The following TSNAX variants were observed in gnomAD, a reference collection of about 807,000 sequenced individuals.
TSNAX encodes translin-associated protein X.
In TSNAX, 12 loss-of-function variants were observed where a neutral mutation model predicts 33.0. The ratio of observed to expected loss-of-function variants is 0.36; its 90% CI spans 0.23 to 0.59. The LOEUF is 0.59. Ranked by LOEUF, TSNAX falls within the 20% of genes least tolerant of loss-of-function variation. TSNAX has a pLI of 0.74. For missense variants in TSNAX, 267 were observed against 341.3 expected (o/e 0.78, Z 1.72); for synonymous variants, 110 against 117.2 (o/e 0.94, Z 0.40).
chr1:231,555,828 T>C (rs189258402), intron 4 of TSNAX, among the ~76,000 whole-genome samples: 45 of 152,264 alleles, frequency 3.0e-4, no homozygotes, highest in African/African-American at 9.4e-4. Flanking sequence ...TAATTAAGGA[T>C]TTTGTCCCAG....
At chr1:231,553,577 AACATCCTCTTACCT>A (rs1047265309) in intron 4 of TSNAX, among the ~76,000 whole-genome samples, 2 of 152,214 alleles carry the variant, frequency 1.3e-5, no homozygotes, top group African/African-American at 4.8e-5. Flanking sequence ...AACTTGTTTA[AACATCCTCTTACCT>A]ACATGTGACC....
intron 5 of TSNAX, among the ~76,000 whole-genome samples, chr1:231,563,890 A>G (rs905115243): frequency 2.6e-5 from 4 of 152,162 alleles, no homozygotes; most frequent in Non-Finnish European, 5.9e-5. Flanking sequence ...TTGTAGCGGT[A>G]CAGACTCTGC....
intron 4 of TSNAX, among the ~76,000 whole-genome samples, chr1:231,549,014 G>A (rs1210249652): frequency 6.6e-6 from 1 of 152,174 alleles, no homozygotes; most frequent in Non-Finnish European, 1.5e-5. Context: ...CTTCCCAGAT[G>A]GGCAGTTACA....
chr1:231,558,982 C>T (rs1660864874), intron 4 of TSNAX, among the ~76,000 whole-genome samples: 1 of 151,988 alleles, frequency 6.6e-6, no homozygotes, highest in African/African-American at 2.4e-5. Flanking sequence ...ACCCATTTTC[C>T]CTTGTATCCT....
At chr1:231,548,500 A>G (rs993995251) in intron 4 of TSNAX, among the ~76,000 whole-genome samples, 7 of 152,180 alleles carry the variant, frequency 4.6e-5, no homozygotes, top group Non-Finnish European at 8.8e-5. Flanking sequence ...TCCTTCTTGG[A>G]GTGAAATGAA....
chr1:231,559,779 G>A (rs934113779), intron 4 of TSNAX, among the ~76,000 whole-genome samples: 3 of 150,534 alleles, frequency 2.0e-5, no homozygotes, highest in African/African-American at 7.3e-5. Context: ...CAATTCAAGG[G>A]TTGTTTCTGT....
At chr1:231,562,577 A>G (rs1417072074) in intron 5 of TSNAX, among the ~76,000 whole-genome samples, 1 of 152,186 alleles carries the variant, frequency 6.6e-6, no homozygotes. Context: ...CTTTCCTTTA[A>G]AGTTCTCTGT....
intron 5 of TSNAX, 41 bp downstream of exon 5, chr1:231,561,296 A>C: frequency 2.2e-6 from 3 of 1,385,374 alleles, no homozygotes; most frequent in Non-Finnish European, 3.0e-6. Context: ...TATATAATTT[A>C]TGTAACAGTA....
intron 5 of TSNAX, 28 bp from the exon 6 acceptor site, chr1:231,564,500 T>TTTTTG (rs139214482): frequency 1.3e-6 from 2 of 1,583,914 alleles, no homozygotes; most frequent in East Asian, 2.2e-5. Context: ...TGTGTGTGTG[T>TTTTTG]TTTTGTTTTG....
intron 4 of TSNAX, among the ~76,000 whole-genome samples, chr1:231,557,031 G>A (rs986598011): frequency 1.1e-4 from 17 of 152,194 alleles, no homozygotes; most frequent in African/African-American, 4.1e-4. Flanking sequence ...TGGATGTGAA[G>A]AGGTCAAGAA....
chr1:231,528,967 C>A (rs1028699919), intron 1 of TSNAX, 141 bp downstream of exon 1: 1 of 1,125,022 alleles, frequency 8.9e-7, no homozygotes, highest in Non-Finnish European at 1.3e-6. Flanking sequence ...TTTCTCTCCC[C>A]GGCCAGATCG....
At chr1:231,531,700 G>A (rs911021661) in intron 2 of TSNAX, among the ~76,000 whole-genome samples, 3 of 152,090 alleles carry the variant, frequency 2.0e-5, no homozygotes, top group Non-Finnish European at 4.4e-5. Flanking sequence ...TTAAGTTCTT[G>A]TTTTTTCAGT....
Position 231,545,688 on chromosome 1 carries a change from C to T in TSNAX, c.367+3077C>T, listed in dbSNP as rs139444008. ...AGAATTGTCATTTTTTGAGACATTT[C>T]GGTACACAAAACTAAGTTTATATCC... On this transcript the variant is annotated intron_variant, in intron 4 of 5. Transcript: ENST00000366639. Among the ~76,000 whole-genome samples the T allele has an allele frequency of 9.4e-3, 1,430 of 151,908 alleles. 29 individuals carry two copies. Among genetic ancestry groups the T allele is most frequent in the African/African-American group, 0.032 (1,320 of 41,440 alleles).
intron 3 of TSNAX, 82 bp downstream of exon 3, chr1:231,537,409 T>A: frequency 2.2e-6 from 2 of 902,066 alleles, no homozygotes; most frequent in Non-Finnish European, 3.4e-6. Flanking sequence ...TTAGAAGACA[T>A]CAGCAGTAGG....
intron 4 of TSNAX, among the ~76,000 whole-genome samples, chr1:231,545,778 A>G (rs1459747848): frequency 6.6e-6 from 1 of 152,224 alleles, no homozygotes; most frequent in East Asian, 1.9e-4. Context: ...GTTTTGGGCC[A>G]GTTAAGATAT....
At position 231,529,339 on chromosome 1, in the gene TSNAX, C is replaced by T. The variant is rs199769657; in HGVS notation, c.101C>T (p.Pro34Leu). ...GGGAAGGATGTTAATTCATCTTCAC[C>T]CGTGATGTTGGCCTTTAAATGTAAG... The part of the protein sequence containing the change: ...REGKDVNSSS[P>L]VMLAFKSFQQ... The change falls in exon 2 of 6, where the codon CCC becomes CTC. Residue 34 changes from proline (P) to leucine (L), a missense_variant. By Grantham distance (98) the Pro-to-Leu change is moderately conservative. This residue lies in a region of TSNAX where 200 missense variants were observed against 214.1 expected (regional missense o/e 0.93). Transcript: ENST00000366639. 4.3e-5 allele frequency: 70 copies of T among 1,613,990 alleles called. No individual in the cohort carries two copies. Among genetic ancestry groups the T allele is most frequent in the Non-Finnish European group, 5.2e-5 (61 of 1,179,964 alleles).
At chr1:231,553,490 G>A (rs916910675) in intron 4 of TSNAX, among the ~76,000 whole-genome samples, 1 of 152,164 alleles carries the variant, frequency 6.6e-6, no homozygotes, top group African/African-American at 2.4e-5. Context: ...GATGGAATAT[G>A]GCAGTACGTT....
intron 4 of TSNAX, among the ~76,000 whole-genome samples, chr1:231,549,660 C>T (rs1291034013): frequency 6.6e-6 from 1 of 152,202 alleles, no homozygotes; most frequent in Non-Finnish European, 1.5e-5. Context: ...AAAAGATAAG[C>T]AGCCTGCTGC....
chr1:231,551,694 G>A (rs542549306), intron 4 of TSNAX, among the ~76,000 whole-genome samples: 107 of 151,468 alleles, frequency 7.1e-4, no homozygotes, highest in Middle Eastern at 3.4e-3. Context: ...AGGGCTGGAA[G>A]TGGTAGCTCA....
Sources: gnomAD v4.1 joint callset for allele counts (sites outside exome capture counted in the v4.1 genomes callset) on GRCh38, gnomAD v4.1.1 for gene constraint, gnomAD v4.1.1 regional missense constraint, MANE v1.5 for transcripts, NCBI Gene and HGNC (gene_info 2026-07-23, HGNC 2026-07-21) for gene names.